The following TLK2 variants were observed in gnomAD, a reference collection of about 807,000 sequenced individuals.
The protein encoded by TLK2 is tousled like kinase 2, also known as serine/threonine-protein kinase tousled-like 2.
In TLK2, 6 loss-of-function variants were observed where a neutral mutation model predicts 117.3. That is an observed-to-expected ratio of 0.05 (90% CI 0.03 to 0.10). The LOEUF is 0.10. Ranked by LOEUF, TLK2 falls within the 10% of genes least tolerant of loss-of-function variation. The pLI is 1.00. For synonymous variants in TLK2, 257 were observed against 316.7 expected, an observed-to-expected ratio of 0.81 and a Z score of 2.00; for missense variants, 299 against 901.2, an observed-to-expected ratio of 0.33 and a Z score of 8.56.
At chr17:62,499,180 A>G (rs774918035) in intron 2 of TLK2, among the ~76,000 whole-genome samples, 54 of 151,974 alleles carry the variant, frequency 3.6e-4, no homozygotes, top group Non-Finnish European at 5.9e-4. Flanking sequence ...GTCTCTACTA[A>G]AAACATGAAA....
At chr17:62,531,755 A>G (rs2076756254) in intron 6 of TLK2, among the ~76,000 whole-genome samples, 1 of 151,890 alleles carries the variant, frequency 6.6e-6, no homozygotes, top group Admixed American at 6.6e-5. Context: ...TATTTTGTTT[A>G]GTTTATTTTG....
chr17:62,582,649 AAGAT>A (rs1314570698), intron 15 of TLK2, among the ~76,000 whole-genome samples: 9 of 152,134 alleles, frequency 5.9e-5, no homozygotes, highest in African/African-American at 1.2e-4. Flanking sequence ...TTATTGTAAA[AAGAT>A]AGATATAAAA....
At chr17:62,492,984 G>C (rs1003663730) in intron 2 of TLK2, among the ~76,000 whole-genome samples, 3 of 152,040 alleles carry the variant, frequency 2.0e-5, no homozygotes, top group Non-Finnish European at 4.4e-5. Context: ...TGTAATTACA[G>C]CTACTTAGGA....
chr17:62,534,115 A>G (rs1367016580), intron 6 of TLK2, among the ~76,000 whole-genome samples: 1 of 152,128 alleles, frequency 6.6e-6, no homozygotes, highest in Non-Finnish European at 1.5e-5. Flanking sequence ...TATCCGGTCA[A>G]GTTTCCCTGA....
intron 21 of TLK2, among the ~76,000 whole-genome samples, chr17:62,611,274 T>G (rs1371556898): frequency 1.3e-5 from 2 of 152,274 alleles, no homozygotes; most frequent in Admixed American, 1.3e-4. Context: ...TGAATTGTTT[T>G]TATCTTCCAA....
chr17:62,580,206 A>G lies in TLK2; in HGVS notation c.1368+14A>G, dbSNP rs2081106999. ...GAAGTTTACAAGGTAAGTATAAGGA[A>G]CTGGATACAAAGACTGGGGGTTAAA... is the stretch of plus-strand genomic sequence containing the variant. On this transcript the variant is annotated intron_variant, in intron 15 of 21. Coordinates refer to ENST00000346027, the MANE Select transcript of TLK2 (RefSeq NM_006852.6). 1 of 1,591,064 alleles carries G rather than the reference A, an allele frequency of 6.3e-7. No homozygotes were observed. Among genetic ancestry groups the G allele is most frequent in the Non-Finnish European group, 8.6e-7 (1 of 1,164,584 alleles).
chr17:62,481,969 G>C (rs1200757651), intron 2 of TLK2, among the ~76,000 whole-genome samples: 1 of 151,948 alleles, frequency 6.6e-6, no homozygotes, highest in East Asian at 1.9e-4. Flanking sequence ...TTTTGAGACA[G>C]AGTTTTCCTC....
chr17:62,586,850 G>A (rs1363604094), intron 16 of TLK2, among the ~76,000 whole-genome samples: 2 of 151,436 alleles, frequency 1.3e-5, no homozygotes, highest in African/African-American at 4.8e-5. Context: ...ATTGTTGCTT[G>A]TCTATAGAAA....
chr17:62,533,045 T>G (rs2076849646), intron 6 of TLK2, among the ~76,000 whole-genome samples: 1 of 152,094 alleles, frequency 6.6e-6, no homozygotes. Flanking sequence ...ACATCATATG[T>G]TTAATGGCCT....
In TLK2 at chr17:62,577,605, A is replaced by G. The variant is rs141849098; in HGVS notation, c.1188+830A>G. ...GTGGATTACTCAGCTCTTAAAATTC[A>G]GAAGCCCATACATTGGTCGATGCTC... is the stretch of plus-strand genomic sequence containing the variant. On this transcript the variant is annotated intron_variant, in intron 13 of 21. Transcript: ENST00000346027. Among the ~76,000 whole-genome samples, 53 of 152,374 alleles carry G rather than the reference A, an allele frequency of 3.5e-4. 4 individuals carry two copies. In the East Asian group the frequency reaches 0.01, roughly 29 times the overall value.
chr17:62,545,785 C>A (rs2077864773), intron 7 of TLK2, among the ~76,000 whole-genome samples: 1 of 152,062 alleles, frequency 6.6e-6, no homozygotes, highest in African/African-American at 2.4e-5. Context: ...TCACTACAGC[C>A]TCAACTGCTT....
chr17:62,540,099 C>CTTTTTTTTTTTTTT (rs571889873), intron 7 of TLK2, among the ~76,000 whole-genome samples: 1 of 125,108 alleles, frequency 8.0e-6, no homozygotes. Context: ...TCTTTCTTTT[C>CTTTTTTTTTTTTTT]TTTTTTTTTT....
chr17:62,546,048 A>T (rs1166445552), intron 7 of TLK2, among the ~76,000 whole-genome samples: 3 of 152,020 alleles, frequency 2.0e-5, no homozygotes, highest in Non-Finnish European at 4.4e-5. Flanking sequence ...TGCCTGGCTA[A>T]TTTTTGTATC....
intron 2 of TLK2, among the ~76,000 whole-genome samples, chr17:62,492,049 T>G (rs781125309): frequency 6.6e-6 from 1 of 152,204 alleles, no homozygotes; most frequent in Non-Finnish European, 1.5e-5. Context: ...ATTTAAGAAT[T>G]TTATGTTTGA....
chr17:62,569,318 C>T (rs1217292165), intron 11 of TLK2, among the ~76,000 whole-genome samples: 2 of 150,428 alleles, frequency 1.3e-5, no homozygotes, highest in Non-Finnish European at 3.0e-5. Flanking sequence ...AAAAAAACAA[C>T]CCATCTGGGA....
At chr17:62,542,872 A>G (rs553246583) in intron 7 of TLK2, among the ~76,000 whole-genome samples, 97 of 152,362 alleles carry the variant, frequency 6.4e-4, no homozygotes, top group African/African-American at 1.7e-3. Context: ...TTAAAATACA[A>G]TTCAGAAATC....
At chr17:62,493,789 G>A (rs1299641747) in intron 2 of TLK2, among the ~76,000 whole-genome samples, 1 of 151,496 alleles carries the variant, frequency 6.6e-6, no homozygotes, top group East Asian at 1.9e-4. Flanking sequence ...ATGGAGTCTT[G>A]CTCTGTCACC....
chr17:62,529,787 G>A (rs1180855779), intron 6 of TLK2, among the ~76,000 whole-genome samples: 1 of 151,584 alleles, frequency 6.6e-6, no homozygotes, highest in Non-Finnish European at 1.5e-5. Context: ...TGCCTGTTCT[G>A]TGTTCCTTTT....
intron 6 of TLK2, among the ~76,000 whole-genome samples, chr17:62,535,839 C>T (rs1463435638): frequency 6.6e-6 from 1 of 151,736 alleles, no homozygotes; most frequent in African/African-American, 2.4e-5. Context: ...TTTCATTTAC[C>T]TACAGGATAG....
Sources: gnomAD v4.1 joint callset for allele counts (sites outside exome capture counted in the v4.1 genomes callset) on GRCh38, gnomAD v4.1.1 for gene constraint, MANE v1.5 for transcripts, NCBI Gene and HGNC (gene_info 2026-07-23, HGNC 2026-07-21) for gene names.